MAP2K3: variants seen among roughly 807,000 people sequenced by gnomAD.
MAP2K3 encodes the protein mitogen-activated protein kinase kinase 3, also known as dual specificity mitogen-activated protein kinase kinase 3.
A neutral mutation model predicts 46.4 loss-of-function variants in MAP2K3; 30 were observed. The observed-to-expected ratio is 0.65, with a 90% CI of 0.48 to 0.88. The LOEUF (loss-of-function observed/expected upper bound fraction) is 0.88. MAP2K3 is among the 40% of genes least tolerant of loss of function. The probability of loss-of-function intolerance (pLI) is 0.00; values close to 1 mark genes in which losing one functional copy is unlikely to be tolerated. For missense variants in MAP2K3, 380 were observed against 464.5 expected (o/e 0.82, Z 1.67); for synonymous variants, 189 against 176.3 (o/e 1.07, Z -0.57).
At chr17:21,294,118 G>A (rs1976103512) in intron 1 of MAP2K3, among the ~76,000 whole-genome samples, 1 of 152,310 alleles carries the variant, frequency 6.6e-6, no homozygotes, top group Non-Finnish European at 1.5e-5. Context: ...CGGGGCCTCA[G>A]TTTCCCCCGT....
chr17:21,308,037 A>G (rs9325904), intron 9 of MAP2K3, among the ~76,000 whole-genome samples: 150,035 of 150,036 alleles, frequency 1, 75,017 homozygotes, highest in Middle Eastern at 1. Context: ...TGTATTTTTA[A>G]AAAAGACGGG....
chr17:21,311,556 A>T (rs1977160625), intron 9 of MAP2K3: 1 of 152,194 alleles, frequency 6.6e-6, no homozygotes, highest in Non-Finnish European at 1.5e-5. Context: ...TCACGGGTGC[A>T]GAGGCGAAGC....
Position 21,312,545 on chromosome 17 carries a change from CA to C in MAP2K3, c.914+270del, listed in dbSNP as rs1977214418. ...ACAAAGTATATGGAAAATTTGAACA[CA>C]AAAAACAAGTTTGCTTTTATTGATA... On this transcript the variant is annotated intron_variant, in intron 10 of 11. Coordinates refer to ENST00000342679, the MANE Select transcript of MAP2K3 (RefSeq NM_145109.3). Among the ~76,000 whole-genome samples the C allele has an allele frequency of 2.6e-5, 4 of 152,250 alleles. No individual in the cohort carries two copies. The South Asian group carries it at 8.3e-4, about 32-fold the overall frequency.
intron 1 of MAP2K3, chr17:21,296,171 G>C: frequency 7.8e-7 from 1 of 1,289,650 alleles, no homozygotes; most frequent in Non-Finnish European, 1.0e-6. Context: ...GCACCTTGCA[G>C]ACGTGATCTT....
At chr17:21,291,618 C>T (rs865849763) in intron 1 of MAP2K3, 1 of 456,076 alleles carries the variant, frequency 2.2e-6, no homozygotes, top group Non-Finnish European at 4.4e-6. Flanking sequence ...CTGTCATGGC[C>T]TCTTAAAGCC....
rs1327532612 is a variant in MAP2K3 at position 21,298,561 on chromosome 17, G to A, written c.116+82G>A. 2.2e-5 allele frequency: 36 copies of A among 1,609,910 alleles called. No homozygotes were observed. In the African/African-American group the frequency reaches 3.3e-4, roughly 15 times the overall value. On this transcript the variant is annotated intron_variant, in intron 2 of 11. Transcript: ENST00000342679. Reference sequence around the variant, plus strand: ...TCAATGGAAGGAGTGAGAGGCAGGTGGGGCCAGCCCTGCTTTACCTCGTCC... The same window carrying A: ...TCAATGGAAGGAGTGAGAGGCAGGTAGGGCCAGCCCTGCTTTACCTCGTCC...
chr17:21,291,276 T>C (rs1022476954), intron 1 of MAP2K3, among the ~76,000 whole-genome samples: 1 of 146,800 alleles, frequency 6.8e-6, no homozygotes, highest in Non-Finnish European at 1.5e-5. Context: ...TACAATAGAA[T>C]ACAATACAAT....
At chr17:21,285,324 C>T (rs1975694528) in intron 1 of MAP2K3, 1 of 983,366 alleles carries the variant, frequency 1.0e-6, no homozygotes, top group Non-Finnish European at 1.2e-6. Context: ...CAGCGGGACC[C>T]AGGTGAGATT....
chr17:21,302,886 C>T (rs9908019), intron 6 of MAP2K3, among the ~76,000 whole-genome samples: 554 of 152,118 alleles, frequency 3.6e-3, no homozygotes, highest in African/African-American at 0.012. Flanking sequence ...GACAGGGAGG[C>T]TGCCAAGAGC....
chr17:21,310,922 A>G (rs780504007), intron 9 of MAP2K3, among the ~76,000 whole-genome samples: 3 of 152,222 alleles, frequency 2.0e-5, no homozygotes, highest in Non-Finnish European at 2.9e-5. Context: ...TTTTCTAATT[A>G]TAACTCTCAT....
At chr17:21,303,161 C>T (rs1976700931) in intron 6 of MAP2K3, 22 bp from the exon 7 acceptor site, 8 of 1,614,020 alleles carry the variant, frequency 5.0e-6, no homozygotes, top group African/African-American at 1.3e-5. Context: ...TGTCTCTTCC[C>T]TCCTCCCCAC....
At chr17:21,302,283 G>A (rs1976650920) in intron 6 of MAP2K3, 24 bp downstream of exon 6, 6 of 1,444,450 alleles carry the variant, frequency 4.2e-6, no homozygotes, top group Admixed American at 4.5e-5. Flanking sequence ...GTGGGCTGGC[G>A]GGGGGTCCTA....
intron 1 of MAP2K3, among the ~76,000 whole-genome samples, chr17:21,297,861 C>T (rs1976348577): frequency 6.5e-5 from 1 of 15,444 alleles, no homozygotes; most frequent in South Asian, 1.7e-3. Context: ...TGTCGGCCTC[C>T]AGGGTGAGCA....
chr17:21,289,188 G>C (rs558447445), intron 1 of MAP2K3, among the ~76,000 whole-genome samples: 559 of 152,296 alleles, frequency 3.7e-3, no homozygotes, highest in Non-Finnish European at 6.7e-3. Flanking sequence ...TTAACCCACT[G>C]GTCCCCAACG....
Position 21,292,951 on chromosome 17 carries a change from G to A in MAP2K3, c.50-5462G>A, listed in dbSNP as rs1225566557. On this transcript the variant is annotated intron_variant, in intron 1 of 11. Coordinates refer to ENST00000342679, the MANE Select transcript of MAP2K3 (RefSeq NM_145109.3). ...ACCCTGGGCCTCAGTTTCCCCATCT[G>A]CAGCATGGAGATCACATTAGTACCT... Among the ~76,000 whole-genome samples, 3 of 152,430 alleles carry A rather than the reference G, an allele frequency of 2.0e-5. No individual in the cohort carries two copies. In the South Asian group the frequency reaches 6.2e-4, roughly 32 times the overall value.
At chr17:21,298,317 G>A (rs772652258) in intron 1 of MAP2K3, 96 bp from the exon 2 acceptor site, 2 of 1,551,588 alleles carry the variant, frequency 1.3e-6, no homozygotes, top group Non-Finnish European at 1.8e-6. Context: ...GGCAGAGGCT[G>A]GCACCCTTGT....
At chr17:21,285,210 T>C in intron 1 of MAP2K3, 1 of 983,474 alleles carries the variant, frequency 1.0e-6, no homozygotes, top group South Asian at 4.7e-5. Flanking sequence ...GGACCCAGAC[T>C]AGGACTTTGT....
chr17:21,292,270 C>T (rs1975983208), intron 1 of MAP2K3, among the ~76,000 whole-genome samples: 1 of 152,312 alleles, frequency 6.6e-6, no homozygotes, highest in African/African-American at 2.4e-5. Context: ...CTTTAAATTG[C>T]CTGCACTTGA....
At position 21,305,503 on chromosome 17, in the gene MAP2K3, C is replaced by T. The variant is rs534595437; in HGVS notation, c.774+375C>T. On this transcript the variant is annotated intron_variant, in intron 9 of 11. Transcript: ENST00000342679. ...TATTTCATAGCAGAAGGTTTGTTGT[C>T]GGTGGCGTCCTGGTACATTGCGGTG... Among the ~76,000 whole-genome samples the T allele has an allele frequency of 7.2e-5, 11 of 152,378 alleles. No homozygotes were observed. In the South Asian group the frequency reaches 1.2e-3, roughly 17 times the overall value.
Sources: gnomAD v4.1 joint callset for allele counts (sites outside exome capture counted in the v4.1 genomes callset) on GRCh38, gnomAD v4.1.1 for gene constraint, MANE v1.5 for transcripts, NCBI Gene and HGNC (gene_info 2026-07-23, HGNC 2026-07-21) for gene names.